Variants in YEATS2 observed in about 807,000 individuals in gnomAD.
YEATS2 encodes the protein YEATS domain containing 2.
YEATS2 carries 77 observed loss-of-function variants against 163.2 expected under a neutral mutation model. The observed-to-expected ratio is 0.47, with a 90% CI of 0.39 to 0.57. YEATS2 has a LOEUF of 0.57. Among genes scored for constraint, YEATS2 ranks in the 20% least tolerant of loss-of-function variants. The pLI is 0.00. For missense variants in YEATS2, 1,549 were observed against 1,729.8 expected (o/e 0.90, Z 1.85); for synonymous variants, 631 against 645.1 (o/e 0.98, Z 0.33).
At chr3:183,748,641 C>T (rs1719824542) in intron 9 of YEATS2, among the ~76,000 whole-genome samples, 1 of 151,554 alleles carries the variant, frequency 6.6e-6, no homozygotes, top group Non-Finnish European at 1.5e-5. Context: ...CTTACTCTGT[C>T]AGCCAGGCTG....
At chr3:183,748,229 C>G (rs1719766804) in intron 9 of YEATS2, among the ~76,000 whole-genome samples, 1 of 150,368 alleles carries the variant, frequency 6.7e-6, no homozygotes, top group African/African-American at 2.4e-5. Context: ...TCCCTTTCCC[C>G]TTCCCCTTGT....
At chr3:183,698,328 C>T (rs1713701288) in intron 1 of YEATS2, among the ~76,000 whole-genome samples, 1 of 152,168 alleles carries the variant, frequency 6.6e-6, no homozygotes. Flanking sequence ...AAGATTTGGC[C>T]CCAGCACCAG....
At chr3:183,722,527 G>A (rs1192810652) in intron 5 of YEATS2, among the ~76,000 whole-genome samples, 1 of 152,096 alleles carries the variant, frequency 6.6e-6, no homozygotes, top group Non-Finnish European at 1.5e-5. Flanking sequence ...CTGACCTCGT[G>A]ATCTTCCCGC....
At chr3:183,800,602 C>T (rs1241615811) in intron 24 of YEATS2, 34 bp downstream of exon 24, 1 of 1,578,256 alleles carries the variant, frequency 6.3e-7, no homozygotes, top group South Asian at 1.1e-5. Context: ...AGGAATTCCG[C>T]TTCGGGTGTT....
intron 23 of YEATS2, 126 bp downstream of exon 23, chr3:183,799,115 C>A: frequency 1.3e-6 from 1 of 775,268 alleles, no homozygotes; most frequent in Non-Finnish European, 2.2e-6. Context: ...TTTGAATTTT[C>A]AGCATTTGTG....
At chr3:183,707,800 T>C (rs909752522) in intron 1 of YEATS2, among the ~76,000 whole-genome samples, 4 of 149,224 alleles carry the variant, frequency 2.7e-5, no homozygotes, top group Non-Finnish European at 5.9e-5. Flanking sequence ...TCTCCTGCCC[T>C]GAGTAGCTGG....
chr3:183,806,541 G>C, intron 27 of YEATS2: 1 of 439,868 alleles, frequency 2.3e-6, no homozygotes, highest in Admixed American at 2.9e-5. Flanking sequence ...TTCCAGATTT[G>C]AGATGAGGAA....
chr3:183,719,153 C>CTTTTTTTTT (rs1271192463), intron 4 of YEATS2, among the ~76,000 whole-genome samples: 1 of 141,858 alleles, frequency 7.0e-6, no homozygotes, highest in Non-Finnish European at 1.6e-5. Context: ...ATATTTTTTC[C>CTTTTTTTTT]TTTTTTTTTT....
chr3:183,804,073 C>T lies in YEATS2; in HGVS notation c.3669C>T (p.Thr1223=), dbSNP rs1725944646. 3 of 1,614,000 alleles carry T rather than the reference C, an allele frequency of 1.9e-6. No individual in the cohort carries two copies. Among genetic ancestry groups the T allele is most frequent in the Non-Finnish European group, 1.7e-6 (2 of 1,180,018 alleles). Residue 1223 remains threonine (T), a synonymous_variant, in exon 27 of 31, where the codon ACC becomes ACT. Coordinates refer to ENST00000305135, the MANE Select transcript of YEATS2 (RefSeq NM_018023.5). Reference sequence around the variant, plus strand: ...TTCACCACCTGACTCCCCTCAAAACCAAGCACATCGCTCACTGGTGCCGCT... The same window carrying T: ...TTCACCACCTGACTCCCCTCAAAACTAAGCACATCGCTCACTGGTGCCGCT... ...PRFHHLTPLK[T]KHIAHWCRCH...
chr3:183,806,751 A>G, intron 27 of YEATS2, 115 bp from the exon 28 acceptor site: 1 of 1,007,660 alleles, frequency 9.9e-7, no homozygotes, highest in Admixed American at 2.6e-5. Flanking sequence ...AACTGGAAAG[A>G]AGGTCAGCTC....
intron 15 of YEATS2, among the ~76,000 whole-genome samples, chr3:183,763,899 C>T (rs1721631725): frequency 6.6e-6 from 1 of 152,014 alleles, no homozygotes; most frequent in Non-Finnish European, 1.5e-5. Flanking sequence ...GAAACCCCAT[C>T]TCTACTAAAA....
At chr3:183,781,282 C>G (rs1268346933) in intron 19 of YEATS2, among the ~76,000 whole-genome samples, 2 of 152,238 alleles carry the variant, frequency 1.3e-5, no homozygotes, top group South Asian at 4.1e-4. Flanking sequence ...GTGAGGGGCA[C>G]ACTGGCATTA....
intron 27 of YEATS2, chr3:183,806,448 A>G (rs529521633): frequency 2.2e-6 from 1 of 456,896 alleles, no homozygotes; most frequent in African/African-American, 2.0e-5. Context: ...CATAATATAC[A>G]TTGAAATGTT....
chr3:183,749,711 G>A (rs952500698), intron 9 of YEATS2, among the ~76,000 whole-genome samples: 14 of 152,168 alleles, frequency 9.2e-5, no homozygotes, highest in Non-Finnish European at 1.9e-4. Flanking sequence ...ACGGCTCACT[G>A]CAGCTTTGAC....
At chr3:183,787,692 T>C (rs1264833612) in intron 20 of YEATS2, among the ~76,000 whole-genome samples, 1 of 152,104 alleles carries the variant, frequency 6.6e-6, no homozygotes, top group African/African-American at 2.4e-5. Context: ...TTGGTTTTCA[T>C]TCCTTTTTAA....
At position 183,789,525 on chromosome 3, in the gene YEATS2, A is replaced by ATTTTTTTTTTTTTT. The variant is rs143473253; in HGVS notation, c.2914-1257_2914-1244dup. On this transcript the variant is annotated intron_variant, in intron 20 of 30. Transcript: ENST00000305135. ...TTAGGTTTCAGATTCATTCGAGTTA[A>ATTTTTTTTTTTTTT]TTTTTTTTTTTTTTTTTTTTTTTTT... 3.5e-4 allele frequency among the ~76,000 whole-genome samples: 23 copies of ATTTTTTTTTTTTTT among 66,348 alleles called. 4 individuals are homozygous for ATTTTTTTTTTTTTT. The highest frequency in any genetic ancestry group is 7.5e-4 in the Admixed American group (3 of 3,976). The allele number at this position is 66,348 out of a possible 152,430, so 43.5% of individuals were successfully genotyped here.
At chr3:183,758,302 A>T (rs553366436) in intron 12 of YEATS2, among the ~76,000 whole-genome samples, 40 of 152,256 alleles carry the variant, frequency 2.6e-4, no homozygotes, top group African/African-American at 8.7e-4. Flanking sequence ...GGTTGCAGTG[A>T]GCCGAGATCA....
rs151163453 is a variant in YEATS2 at position 183,809,570 on chromosome 3, C to T, written c.4160+400C>T. The stretch of plus-strand genomic sequence containing the variant: ...ATTCTCTTTTTAAAAATCAGGAAAC[C>T]GGGCTTTGAAAGGTAATTTTACCCA... On this transcript the variant is annotated intron_variant, in intron 30 of 30. Transcript: ENST00000305135. The T allele has an allele frequency of 5.4e-3, 846 of 156,572 alleles. 10 individuals are homozygous for T. The highest frequency in any genetic ancestry group is 0.017 in the African/African-American group (712 of 41,610). 9.7% of individuals were successfully genotyped at this position (156,572 alleles called of 1,614,324 possible).
rs769373921 is a variant in YEATS2, at chr3:183,758,982, G to A, written c.1656+17G>A. 23 of 1,423,672 alleles carry A rather than the reference G, an allele frequency of 1.6e-5. No individual in the cohort carries two copies. The highest frequency in any genetic ancestry group is 1.8e-4 in the Middle Eastern group (1 of 5,634). 88.2% of individuals were successfully genotyped at this position (1,423,672 alleles called of 1,614,324 possible). ...ACTGTCAAGGTAACATTCTTACTGC[G>A]TTATTACACTTTGCTAGCTTCTTTT... On this transcript the variant is annotated intron_variant, in intron 13 of 30. Transcript: ENST00000305135.
Sources: allele counts gnomAD v4.1 joint callset (sites outside exome capture counted in the v4.1 genomes callset), GRCh38; gene constraint gnomAD v4.1.1; transcripts MANE v1.5; gene names NCBI Gene and HGNC (gene_info 2026-07-23, HGNC 2026-07-21).